LARS1: variants seen among roughly 807,000 people sequenced by gnomAD.
LARS1 encodes leucyl-tRNA synthetase 1.
Under a neutral mutation model 162.8 loss-of-function variants are expected in LARS1, and 100 were observed. The ratio of observed to expected loss-of-function variants is 0.61; its 90% CI spans 0.52 to 0.73. LARS1 has a LOEUF of 0.73. Among genes scored for constraint, LARS1 ranks in the 30% least tolerant of loss-of-function variants. The pLI, the probability that LARS1 is intolerant of heterozygous loss-of-function variation, is 0.00. For synonymous variants in LARS1, 457 were observed against 462.8 expected (o/e 0.99, Z 0.16); for missense variants, 1,258 against 1,408.9 (o/e 0.89, Z 1.71).
chr5:146,153,336 G>A (rs976923081), intron 12 of LARS1, 109 bp from the exon 13 acceptor site: 221 of 805,630 alleles, frequency 2.7e-4, no homozygotes, highest in Non-Finnish European at 2.7e-4. Context: ...GTTTCTATTT[G>A]TTCTCCTCTC....
In LARS1 at chr5:146,138,728, C is replaced by CAA. The variant is rs879232853; in HGVS notation, c.2148+1474_2148+1475dup. ...TGGGCAACAGTATGAGACTCTGTCT[C>CAA]AAAAAAAAAAAAAAAGAAAGAAAAA... On this transcript the variant is annotated intron_variant, in intron 21 of 31. Transcript: ENST00000394434. 1.5e-3 allele frequency: 178 copies of CAA among 115,040 alleles called. 4 individuals carry two copies. The highest frequency in any genetic ancestry group is 4.7e-3 in the South Asian group (21 of 4,434). The allele number at this position is 115,040 out of a possible 1,614,324, so 7.1% of individuals were successfully genotyped here. A position where few individuals can be genotyped will look rare whatever the true frequency, so the allele number is the denominator to read the frequency against.
At chr5:146,150,940 T>C (rs1391891862) in intron 14 of LARS1, among the ~76,000 whole-genome samples, 9 of 28,956 alleles carry the variant, frequency 3.1e-4, no homozygotes, top group African/African-American at 1.4e-3. Flanking sequence ...CTCCGTCAGA[T>C]AGACACACAC....
At chr5:146,129,450 T>C (rs1399471714) in intron 25 of LARS1, among the ~76,000 whole-genome samples, 1 of 152,226 alleles carries the variant, frequency 6.6e-6, no homozygotes, top group Non-Finnish European at 1.5e-5. Context: ...ACTCAGTTTT[T>C]ATCCTGCTAA....
At chr5:146,120,173 G>A in intron 31 of LARS1, 198 bp downstream of exon 31, 1 of 551,450 alleles carries the variant, frequency 1.8e-6, no homozygotes, top group Non-Finnish European at 3.2e-6. Context: ...TTGAGCTTAA[G>A]TGACATGGCA....
intron 2 of LARS1, among the ~76,000 whole-genome samples, chr5:146,176,281 G>A (rs944604509): frequency 2.6e-5 from 4 of 151,368 alleles, no homozygotes; most frequent in Admixed American, 6.6e-5. Flanking sequence ...GTAAAACCCC[G>A]TCTCTACTAA....
In LARS1 at chr5:146,166,784, T is replaced by C. The variant is rs537426422; in HGVS notation, c.432+1344A>G. ...ATGAATGCTAAAATTAATGAGCAAA[T>C]ATTTAAAAAGAAACACAGTATTATT... On this transcript the variant is annotated intron_variant, in intron 5 of 31. Coordinates refer to ENST00000394434, the MANE Select transcript of LARS1 (RefSeq NM_020117.11). 7.9e-5 allele frequency among the ~76,000 whole-genome samples: 12 copies of C among 152,146 alleles called. No homozygotes were observed. The South Asian group carries it at 2.1e-3, about 26-fold the overall frequency.
At chr5:146,177,355 G>C (rs957347574) in intron 2 of LARS1, among the ~76,000 whole-genome samples, 192 bp downstream of exon 2, 1 of 150,710 alleles carries the variant, frequency 6.6e-6, no homozygotes, top group South Asian at 2.1e-4. Context: ...AGTCCCAGCT[G>C]CTCGGGAGGC....
intron 15 of LARS1, among the ~76,000 whole-genome samples, chr5:146,148,377 T>C (rs1753113946): frequency 6.6e-6 from 1 of 152,208 alleles, no homozygotes; most frequent in Non-Finnish European, 1.5e-5. Flanking sequence ...ACTGATGTGT[T>C]TGAACTGAGT....
At chr5:146,129,503 G>T (rs1204831604) in intron 25 of LARS1, among the ~76,000 whole-genome samples, 1 of 152,126 alleles carries the variant, frequency 6.6e-6, no homozygotes, top group Non-Finnish European at 1.5e-5. Context: ...TATAGATCAT[G>T]AGCACATTTC....
At chr5:146,156,605 G>C (rs1008941451) in intron 10 of LARS1, among the ~76,000 whole-genome samples, 2 of 152,074 alleles carry the variant, frequency 1.3e-5, no homozygotes, top group African/African-American at 2.4e-5. Flanking sequence ...TGAGGCAGGA[G>C]AATCGTTTGA....
At chr5:146,132,694 G>C in intron 23 of LARS1, 1 of 429,396 alleles carries the variant, frequency 2.3e-6, no homozygotes, top group Non-Finnish European at 4.1e-6. Context: ...TATTAAATAA[G>C]GTTGCTTTGA....
rs879232853 is a variant in LARS1, at chr5:146,138,728, C to CAAAAA, written c.2148+1471_2148+1475dup. On this transcript the variant is annotated intron_variant, in intron 21 of 31. Coordinates refer to ENST00000394434, the MANE Select transcript of LARS1 (RefSeq NM_020117.11). ...TGGGCAACAGTATGAGACTCTGTCT[C>CAAAAA]AAAAAAAAAAAAAAAGAAAGAAAAA... is the stretch of plus-strand genomic sequence containing the variant. 6.1e-5 allele frequency: 7 copies of CAAAAA among 115,224 alleles called. 1 individual carries two copies. Among genetic ancestry groups the CAAAAA allele is most frequent in the East Asian group, 2.5e-4 (1 of 3,980 alleles). 7.1% of individuals were successfully genotyped at this position (115,224 alleles called of 1,614,324 possible). A position where few individuals can be genotyped will look rare whatever the true frequency, so the allele number is the denominator to read the frequency against.
chr5:146,149,675 C>T lies in LARS1; in HGVS notation c.1450G>A (p.Gly484Arg), dbSNP rs753343948. ...TTCTTTACATCTTGAACCTTCTGTC[C>T]TTTAAATCCATCCACCAACATGATC... is the stretch of plus-strand genomic sequence containing the variant. ...EGIMLVDGFK[G>R]QKVQDVKKTI... The change falls in exon 15 of 32, where the codon GGA (glycine) becomes AGA (arginine). Residue 484 changes from glycine (G) to arginine (R), a missense_variant. Coordinates refer to ENST00000394434, the MANE Select transcript of LARS1 (RefSeq NM_020117.11). 1 of 1,612,364 alleles carries T rather than the reference C, an allele frequency of 6.2e-7. No homozygotes were observed. Among genetic ancestry groups the T allele is most frequent in the South Asian group, 1.1e-5 (1 of 91,038 alleles).
chr5:146,117,410 G>A (rs1751606160), intron 31 of LARS1, among the ~76,000 whole-genome samples: 1 of 152,184 alleles, frequency 6.6e-6, no homozygotes, highest in Admixed American at 6.5e-5. Context: ...AGGAGCTCAA[G>A]ACTAGCCTGG....
intron 15 of LARS1, among the ~76,000 whole-genome samples, chr5:146,148,614 G>A (rs913240299): frequency 6.6e-6 from 1 of 152,112 alleles, no homozygotes; most frequent in Non-Finnish European, 1.5e-5. Flanking sequence ...ACAGGGTATG[G>A]AGTAGTATAT....
rs923906252 is a variant in LARS1, at chr5:146,151,717, T to C, written c.1425+145A>G. The C allele has an allele frequency of 6.4e-6, 5 of 781,894 alleles. No individual in the cohort carries two copies. In the African/African-American group the frequency reaches 8.7e-5, roughly 14 times the overall value. The allele number at this position is 781,894 out of a possible 1,614,324, so 48.4% of individuals were successfully genotyped here. A position where few individuals can be genotyped will look rare whatever the true frequency, so the allele number is the denominator to read the frequency against. ...ACATGATAAAAACAAAAATTAGAAATTTGGAAATAGAATACATTCTCATAT... is the reference window on the plus strand; with the variant it reads ...ACATGATAAAAACAAAAATTAGAAACTTGGAAATAGAATACATTCTCATAT... On this transcript the variant is annotated intron_variant, in intron 14 of 31. Coordinates refer to ENST00000394434, the MANE Select transcript of LARS1 (RefSeq NM_020117.11).
At chr5:146,115,453 G>A (rs1764164679) in intron 31 of LARS1, among the ~76,000 whole-genome samples, 2 of 151,786 alleles carry the variant, frequency 1.3e-5, no homozygotes, top group African/African-American at 4.8e-5. Context: ...AGGAGAGCGG[G>A]GACAAGGCAG....
chr5:146,113,431 G>C lies in LARS1; in HGVS notation c.*675C>G, dbSNP rs573884156. 6.5e-6 allele frequency: 1 copy of C among 152,692 alleles called. No homozygotes were observed. The highest frequency in any genetic ancestry group is 2.4e-5 in the African/African-American group (1 of 41,354). The allele number at this position is 152,692 out of a possible 1,614,324, so 9.5% of individuals were successfully genotyped here. ...AAATGCAGATTTCTGGGGGGGAAGG[G>C]GGGAATCTTCTTTTAAAATGCCCAT... is the stretch of plus-strand genomic sequence containing the variant. On this transcript the variant is annotated 3_prime_UTR_variant, in exon 32 of 32. Transcript: ENST00000394434.
At chr5:146,136,548 TTGGCTCAGTGCAACCTCC>T (rs1752508287) in intron 21 of LARS1, among the ~76,000 whole-genome samples, 1 of 151,808 alleles carries the variant, frequency 6.6e-6, no homozygotes, top group Non-Finnish European at 1.5e-5. Context: ...TGGCGCAATC[TTGGCTCAGTGCAACCTCC>T]GCCTCCCTCG....
Sources: allele counts gnomAD v4.1 joint callset (sites outside exome capture counted in the v4.1 genomes callset), GRCh38; gene constraint gnomAD v4.1.1; transcripts MANE v1.5; gene names NCBI Gene and HGNC (gene_info 2026-07-23, HGNC 2026-07-21).